The following MBD2 variants were observed in gnomAD, a reference collection of about 807,000 sequenced individuals.
MBD2 encodes the protein methyl-CpG binding domain protein 2, also known as methyl-CpG-binding domain protein 2.
MBD2 carries 9 observed loss-of-function variants against 39.3 expected under a neutral mutation model. The ratio of observed to expected loss-of-function variants is 0.23; its 90% CI spans 0.14 to 0.40. The LOEUF (loss-of-function observed/expected upper bound fraction) is 0.40, where lower values mean the gene tolerates loss of function less well. MBD2 is among the 10% of genes least tolerant of loss of function. The pLI is 1.00. For synonymous variants in MBD2, 233 were observed against 211.1 expected (o/e 1.10, Z -0.90); for missense variants, 458 against 532.6 (o/e 0.86, Z 1.38).
In MBD2 at chr18:54,152,681, C is replaced by G. The variant is rs1188652642; in HGVS notation, c.*2643G>C. On this transcript the variant is annotated 3_prime_UTR_variant, in exon 7 of 7. Transcript: ENST00000256429. ...GGTAGTTAGGGTTATTAGCAAATGC[C>G]TCTTGGAAAGGATGTAAAACTCACA... 6.6e-6 allele frequency: 1 copy of G among 152,176 alleles called. No individual in the cohort carries two copies. The highest frequency in any genetic ancestry group is 6.5e-5 in the Admixed American group (1 of 15,278). The allele number at this position is 152,176 out of a possible 1,614,324, so 9.4% of individuals were successfully genotyped here. A position where few individuals can be genotyped will look rare whatever the true frequency, so the allele number is the denominator to read the frequency against.
chr18:54,190,430 G>A (rs1392297154), intron 2 of MBD2, among the ~76,000 whole-genome samples: 1 of 152,196 alleles, frequency 6.6e-6, no homozygotes, highest in Admixed American at 6.5e-5. Context: ...AGTGCGACCT[G>A]TGATGGGATG....
At chr18:54,222,115 T>C (rs534791610) in intron 1 of MBD2, among the ~76,000 whole-genome samples, 9 of 152,306 alleles carry the variant, frequency 5.9e-5, no homozygotes, top group Non-Finnish European at 1.2e-4. Context: ...CATCAGCACA[T>C]AGTTCACAGA....
chr18:54,215,460 G>A (rs1026087212), intron 1 of MBD2, among the ~76,000 whole-genome samples: 5 of 150,402 alleles, frequency 3.3e-5, no homozygotes, highest in African/African-American at 1.2e-4. Context: ...AGCCTCCCAA[G>A]ATGATACAAA....
rs767029075 is a variant in MBD2, at chr18:54,187,768, A to T, written c.840+1106T>A. ...ACAGTAAAGCAAGTTTAGAACTTCA[A>T]ATCTTGAGACATCTATAGCAAGATG... On this transcript the variant is annotated intron_variant, in intron 3 of 6. Transcript: ENST00000256429. 4 of 985,898 alleles carry T rather than the reference A, an allele frequency of 4.1e-6. No homozygotes were observed. In the South Asian group the frequency reaches 1.4e-4, roughly 35 times the overall value. 61.1% of individuals were successfully genotyped at this position (985,898 alleles called of 1,614,324 possible). A position where few individuals can be genotyped will look rare whatever the true frequency, so the allele number is the denominator to read the frequency against.
At chr18:54,184,999 G>C (rs2086275749) in intron 3 of MBD2, among the ~76,000 whole-genome samples, 1 of 152,150 alleles carries the variant, frequency 6.6e-6, no homozygotes, top group Admixed American at 6.5e-5. Context: ...GACTATACTA[G>C]AAATAACTGT....
chr18:54,154,085 T>G lies in MBD2; in HGVS notation c.*1239A>C, dbSNP rs1169666255. The G allele has an allele frequency of 6.6e-6, 1 of 152,148 alleles. No individual in the cohort carries two copies. The highest frequency in any genetic ancestry group is 2.4e-5 in the African/African-American group (1 of 41,426). The allele number at this position is 152,148 out of a possible 1,614,324, so 9.4% of individuals were successfully genotyped here. ...TTCTAATTTTAAAAGAACTCAAGAG[T>G]TAAGAAATAAACACACCTTTTCTAT... On this transcript the variant is annotated 3_prime_UTR_variant, in exon 7 of 7. Transcript: ENST00000256429.
chr18:54,204,126 T>C (rs535612386), intron 2 of MBD2, among the ~76,000 whole-genome samples: 3 of 152,306 alleles, frequency 2.0e-5, no homozygotes, highest in South Asian at 2.1e-4. Flanking sequence ...AAGGGACTTA[T>C]GGGGTTACAT....
chr18:54,157,297 A>G (rs1208878835), intron 6 of MBD2, among the ~76,000 whole-genome samples: 2 of 151,012 alleles, frequency 1.3e-5, no homozygotes, highest in Non-Finnish European at 2.9e-5. Flanking sequence ...GTCTCACTCT[A>G]TCACCCAGGC....
chr18:54,198,243 CTTCA>C (rs1182286231), intron 2 of MBD2, among the ~76,000 whole-genome samples: 1 of 152,192 alleles, frequency 6.6e-6, no homozygotes, highest in Non-Finnish European at 1.5e-5. Flanking sequence ...TAAGGCATTA[CTTCA>C]TTAACTGAAA....
chr18:54,223,982 G>GGCC, intron 1 of MBD2, 36 bp downstream of exon 1: 1 of 1,371,190 alleles, frequency 7.3e-7, no homozygotes, highest in Non-Finnish European at 1.0e-6. Flanking sequence ...ACCCCGGCCT[G>GGCC]ACCCCGCCAC....
intron 1 of MBD2, among the ~76,000 whole-genome samples, 199 bp from the exon 2 acceptor site, chr18:54,205,356 G>A (rs2086440479): frequency 6.6e-6 from 1 of 152,062 alleles, no homozygotes; most frequent in African/African-American, 2.4e-5. Context: ...TGGATCACCT[G>A]AGGTTAGGAG....
chr18:54,194,494 G>A (rs2086349352), intron 2 of MBD2, among the ~76,000 whole-genome samples: 1 of 151,574 alleles, frequency 6.6e-6, no homozygotes, highest in Non-Finnish European at 1.5e-5. Flanking sequence ...GTATATATGT[G>A]ACCAAAATAA....
intron 3 of MBD2, among the ~76,000 whole-genome samples, chr18:54,185,440 TAATAGTTC>T (rs1383865316): frequency 6.6e-6 from 1 of 152,064 alleles, no homozygotes; most frequent in Admixed American, 6.5e-5. Context: ...AAGGAAGAAG[TAATAGTTC>T]AAAGATGAAG....
chr18:54,201,734 G>A (rs1288351424), intron 2 of MBD2, among the ~76,000 whole-genome samples: 1 of 151,892 alleles, frequency 6.6e-6, no homozygotes, highest in African/African-American at 2.4e-5. Context: ...GTGGTGGCGG[G>A]TGCCTGTAGT....
At position 54,224,198 on chromosome 18, in the gene MBD2, GCGCCGCCGCCACCGCTGCCGCCGCCGC is replaced by G. The variant is rs778950652; in HGVS notation, c.335_361del (p.Gly112_Gly120del). ...GAAAGGGACCGGCTCCCGCCGGGGG[GCGCCGCCGCCACCGCTGCCGCCGCCGC>G]CGCAGCCGCCGCCGTCGCCGCCAAG... is the stretch of plus-strand genomic sequence containing the variant. On this transcript the variant is annotated inframe_deletion, in exon 1 of 7. Transcript: ENST00000256429. 5 of 1,206,184 alleles carry G rather than the reference GCGCCGCCGCCACCGCTGCCGCCGCCGC, an allele frequency of 4.1e-6. No individual in the cohort carries two copies. Among genetic ancestry groups the G allele is most frequent in the African/African-American group, 3.2e-5 (2 of 62,438 alleles). The allele number at this position is 1,206,184 out of a possible 1,614,324, so 74.7% of individuals were successfully genotyped here.
chr18:54,161,259 C>T (rs2086095806), intron 5 of MBD2, among the ~76,000 whole-genome samples: 1 of 152,120 alleles, frequency 6.6e-6, no homozygotes, highest in Admixed American at 6.5e-5. Flanking sequence ...TCCAAAACAC[C>T]ACAAAGAGTT....
intron 5 of MBD2, among the ~76,000 whole-genome samples, chr18:54,162,494 T>C (rs2086104326): frequency 6.6e-6 from 1 of 152,222 alleles, no homozygotes; most frequent in African/African-American, 2.4e-5. Context: ...AAATGAGCAA[T>C]TTGTTAGACA....
At chr18:54,192,163 G>C (rs2086324347) in intron 2 of MBD2, among the ~76,000 whole-genome samples, 1 of 152,196 alleles carries the variant, frequency 6.6e-6, no homozygotes, top group Admixed American at 6.5e-5. Context: ...ACACATAAAT[G>C]CTTACAGGGA....
intron 2 of MBD2, among the ~76,000 whole-genome samples, chr18:54,198,556 A>G (rs747759998): frequency 2.0e-5 from 3 of 152,194 alleles, no homozygotes; most frequent in Non-Finnish European, 4.4e-5. Context: ...ACTACAAAAA[A>G]TACAAAACGT....
Sources: gnomAD v4.1 joint callset for allele counts (sites outside exome capture counted in the v4.1 genomes callset) on GRCh38, gnomAD v4.1.1 for gene constraint, MANE v1.5 for transcripts, NCBI Gene and HGNC (gene_info 2026-07-23, HGNC 2026-07-21) for gene names.